LDLRAD4: variants seen among roughly 807,000 people sequenced by gnomAD.
LDLRAD4 encodes low density lipoprotein receptor class A domain containing 4, also known as low-density lipoprotein receptor class A domain-containing protein 4.
In LDLRAD4, 5 loss-of-function variants were observed where a neutral mutation model predicts 17.0. The observed-to-expected ratio is 0.29, with a 90% CI of 0.15 to 0.62. The LOEUF is 0.62. Among genes scored for constraint, LDLRAD4 ranks in the 20% least tolerant of loss-of-function variants. LDLRAD4 has a pLI of 0.84. For synonymous variants in LDLRAD4, 168 were observed against 171.8 expected (o/e 0.98, Z 0.17); for missense variants, 340 against 424.7 (o/e 0.80, Z 1.75).
intron 1 of LDLRAD4, among the ~76,000 whole-genome samples, chr18:13,330,203 C>T (rs1005710036): frequency 1.3e-5 from 2 of 152,156 alleles, no homozygotes; most frequent in Non-Finnish European, 2.9e-5. Context: ...TCGTGATCCA[C>T]CTGCCTTGGC....
chr18:13,265,103 A>G (rs2044142569), intron 1 of LDLRAD4, among the ~76,000 whole-genome samples: 1 of 152,130 alleles, frequency 6.6e-6, no homozygotes, highest in Non-Finnish European at 1.5e-5. Flanking sequence ...TGTTTTCCAC[A>G]TGGCTCCTTT....
chr18:13,499,398 C>A, intron 3 of LDLRAD4, among the ~76,000 whole-genome samples: 1 of 138,622 alleles, frequency 7.2e-6, no homozygotes, highest in South Asian at 2.4e-4. Context: ...CACACACTTC[C>A]CACCATGGAC....
At chr18:13,623,537 G>C (rs1785182) in intron 4 of LDLRAD4, among the ~76,000 whole-genome samples, 2 of 152,086 alleles carry the variant, frequency 1.3e-5, no homozygotes, top group Non-Finnish European at 2.9e-5. Flanking sequence ...CGGCTTCAGC[G>C]TAGCTTAGCA....
At chr18:13,269,683 G>A (rs2044415963) in intron 1 of LDLRAD4, among the ~76,000 whole-genome samples, 1 of 152,118 alleles carries the variant, frequency 6.6e-6, no homozygotes, top group Non-Finnish European at 1.5e-5. Context: ...GCTCACACTT[G>A]GAGTCAGTCT....
chr18:13,399,747 C>A (rs1195152193), intron 2 of LDLRAD4, among the ~76,000 whole-genome samples: 4 of 152,222 alleles, frequency 2.6e-5, no homozygotes, highest in Non-Finnish European at 5.9e-5. Context: ...GCTGTAAACT[C>A]ACGTGAACAT....
At chr18:13,518,866 C>G (rs2093910681) in intron 3 of LDLRAD4, among the ~76,000 whole-genome samples, 1 of 152,106 alleles carries the variant, frequency 6.6e-6, no homozygotes, top group South Asian at 2.1e-4. Context: ...CCCATCCTTT[C>G]AAGACTAGTC....
intron 2 of LDLRAD4, among the ~76,000 whole-genome samples, chr18:13,390,210 C>G (rs1025161249): frequency 2.0e-5 from 3 of 152,230 alleles, no homozygotes; most frequent in Non-Finnish European, 4.4e-5. Context: ...GCCTCTTCCC[C>G]CCAGTGTCAG....
intron 3 of LDLRAD4, among the ~76,000 whole-genome samples, chr18:13,618,175 C>T (rs1259563385): frequency 6.6e-6 from 1 of 152,190 alleles, no homozygotes; most frequent in Non-Finnish European, 1.5e-5. Context: ...TTAAAGAGGT[C>T]TGTGATGTAT....
chr18:13,462,256 C>T (rs2092459040), intron 3 of LDLRAD4: 1 of 152,262 alleles, frequency 6.6e-6, no homozygotes, highest in African/African-American at 2.4e-5. Context: ...ACACTGTTAC[C>T]AGGGGCCAGG....
At chr18:13,341,732 T>C (rs1273928929) in intron 1 of LDLRAD4, among the ~76,000 whole-genome samples, 1 of 152,188 alleles carries the variant, frequency 6.6e-6, no homozygotes, top group East Asian at 1.9e-4. Context: ...TTATTTCTTT[T>C]TCTTGCCTGA....
At chr18:13,370,814 G>A (rs896139894) in intron 1 of LDLRAD4, among the ~76,000 whole-genome samples, 30 of 147,674 alleles carry the variant, frequency 2.0e-4, no homozygotes, top group Admixed American at 1.2e-3. Context: ...GGGTTCAAGC[G>A]ATTCTCCTGC....
intron 4 of LDLRAD4, among the ~76,000 whole-genome samples, chr18:13,642,940 T>C (rs912837394): frequency 4.0e-5 from 6 of 150,514 alleles, no homozygotes; most frequent in African/African-American, 4.9e-5. Flanking sequence ...TTTTTTTTTT[T>C]CTTCTGTTTT....
upstream of LDLRAD4, among the ~76,000 whole-genome samples, chr18:13,276,071 C>T (rs1016767406): frequency 2.6e-5 from 4 of 152,100 alleles, no homozygotes; most frequent in Non-Finnish European, 4.4e-5. Context: ...TGCAGTGGGT[C>T]GATCTTGGCT....
chr18:13,449,608 G>A (rs2091658878), intron 3 of LDLRAD4, among the ~76,000 whole-genome samples: 1 of 152,244 alleles, frequency 6.6e-6, no homozygotes, highest in Admixed American at 6.5e-5. Context: ...TCCGGAGAGG[G>A]CCCCTGAGCC....
At chr18:13,504,585 G>T (rs539177636) in intron 3 of LDLRAD4, among the ~76,000 whole-genome samples, 1 of 152,134 alleles carries the variant, frequency 6.6e-6, no homozygotes, top group South Asian at 2.1e-4. Flanking sequence ...GCGCTATCAC[G>T]CCTGGCTAAT....
At chr18:13,355,696 A>G (rs540730066) in intron 1 of LDLRAD4, among the ~76,000 whole-genome samples, 4 of 152,228 alleles carry the variant, frequency 2.6e-5, no homozygotes, top group South Asian at 2.1e-4. Flanking sequence ...CAGTGGTGCA[A>G]TTACAGCTCA....
chr18:13,281,638 G>A (rs1790767), intron 1 of LDLRAD4, among the ~76,000 whole-genome samples: 1 of 152,180 alleles, frequency 6.6e-6, no homozygotes, highest in African/African-American at 2.4e-5. Flanking sequence ...TGACACCAAG[G>A]TGGCCAGTGC....
intron 1 of LDLRAD4, among the ~76,000 whole-genome samples, chr18:13,359,485 C>T (rs777644286): frequency 1.3e-5 from 2 of 151,956 alleles, no homozygotes; most frequent in Admixed American, 6.6e-5. Flanking sequence ...GATGTACTTC[C>T]GTGCCTTTAC....
At chr18:13,289,223 A>C (rs1336439201) in intron 1 of LDLRAD4, among the ~76,000 whole-genome samples, 1 of 152,240 alleles carries the variant, frequency 6.6e-6, no homozygotes, top group African/African-American at 2.4e-5. Flanking sequence ...AAAATTGTTC[A>C]GTTCCAGCAC....
Sources: gnomAD v4.1 joint callset for allele counts (sites outside exome capture counted in the v4.1 genomes callset) on GRCh38, gnomAD v4.1.1 for gene constraint, MANE v1.5 for transcripts, NCBI Gene and HGNC (gene_info 2026-07-23, HGNC 2026-07-21) for gene names.